The following PPM1L variants were observed in gnomAD, a reference collection of about 807,000 sequenced individuals.
PPM1L encodes protein phosphatase, Mg2+/Mn2+ dependent 1L, also known as protein phosphatase 1L.
A neutral mutation model predicts 31.4 loss-of-function variants in PPM1L; 13 were observed. That is an observed-to-expected ratio of 0.41 (90% CI 0.27 to 0.66). The LOEUF is 0.66. PPM1L is among the 30% of genes least tolerant of loss of function. The probability of loss-of-function intolerance (pLI) is 0.29; values close to 1 mark genes in which losing one functional copy is unlikely to be tolerated. For synonymous variants in PPM1L, 184 were observed against 175.4 expected (o/e 1.05, Z -0.39); for missense variants, 326 against 453.7 (o/e 0.72, Z 2.56).
intron 2 of PPM1L, among the ~76,000 whole-genome samples, chr3:161,002,439 T>C (rs1165844261): frequency 3.0e-4 from 46 of 152,182 alleles, no homozygotes; most frequent in Admixed American, 3.0e-3. Flanking sequence ...GTTGAACTAG[T>C]TTACAGTCCC....
intron 1 of PPM1L, among the ~76,000 whole-genome samples, chr3:160,951,032 ATT>A (rs1715561600): frequency 6.6e-6 from 1 of 152,158 alleles, no homozygotes; most frequent in South Asian, 2.1e-4. Context: ...ATTACTTTTC[ATT>A]TTTCTTCTAT....
At chr3:161,014,863 G>A (rs558072068) in intron 2 of PPM1L, among the ~76,000 whole-genome samples, 5 of 152,148 alleles carry the variant, frequency 3.3e-5, no homozygotes, top group Non-Finnish European at 7.4e-5. Context: ...ATTTGGGGAT[G>A]GGGGGAGTCA....
At chr3:160,904,202 T>A (rs888726468) in intron 1 of PPM1L, among the ~76,000 whole-genome samples, 1 of 152,178 alleles carries the variant, frequency 6.6e-6, no homozygotes, top group Non-Finnish European at 1.5e-5. Flanking sequence ...AGGCTAAAGC[T>A]CCACTCCCCT....
At chr3:160,923,049 A>G (rs1293702747) in intron 1 of PPM1L, among the ~76,000 whole-genome samples, 1 of 152,216 alleles carries the variant, frequency 6.6e-6, no homozygotes, top group East Asian at 1.9e-4. Context: ...TGTAGAATTA[A>G]CATGGAGATT....
chr3:160,947,492 C>T (rs897977347), intron 1 of PPM1L, among the ~76,000 whole-genome samples: 3 of 152,110 alleles, frequency 2.0e-5, no homozygotes, highest in African/African-American at 7.2e-5. Context: ...GGCTTTACAT[C>T]ACTCTCTCAG....
At chr3:160,901,895 T>G (rs6441339) in intron 1 of PPM1L, among the ~76,000 whole-genome samples, 63,573 of 151,934 alleles carry the variant, frequency 0.42, 14,836 homozygotes, top group Non-Finnish European at 0.54. Flanking sequence ...CTTTGCATTA[T>G]TTGTTTTTGC....
chr3:160,811,993 A>G (rs1022800792), intron 1 of PPM1L, among the ~76,000 whole-genome samples: 17 of 152,158 alleles, frequency 1.1e-4, no homozygotes, highest in African/African-American at 3.6e-4. Context: ...TATTACTTCA[A>G]TCCCAAAGCA....
At chr3:160,809,818 G>A (rs1346477541) in intron 1 of PPM1L, among the ~76,000 whole-genome samples, 1 of 152,076 alleles carries the variant, frequency 6.6e-6, no homozygotes, top group Non-Finnish European at 1.5e-5. Flanking sequence ...TTTTTGAGGG[G>A]CATGAAGCCT....
chr3:160,849,313 C>T (rs1225011156), intron 1 of PPM1L, among the ~76,000 whole-genome samples: 2 of 152,182 alleles, frequency 1.3e-5, no homozygotes, highest in Non-Finnish European at 2.9e-5. Context: ...GGAATGTTCT[C>T]CAGAACTTCT....
intron 1 of PPM1L, among the ~76,000 whole-genome samples, chr3:160,760,725 T>TC (rs1714949245): frequency 6.6e-6 from 1 of 151,942 alleles, no homozygotes; most frequent in South Asian, 2.1e-4. Context: ...TTTTTTTGTT[T>TC]TTTTTTTTTA....
At chr3:160,933,235 AT>A (rs904964812) in intron 1 of PPM1L, among the ~76,000 whole-genome samples, 24 of 152,220 alleles carry the variant, frequency 1.6e-4, no homozygotes, top group African/African-American at 5.8e-4. Flanking sequence ...ACAGAAAGCA[AT>A]TTGTTGTTTT....
chr3:160,801,879 TTATA>T (rs1712437710), intron 1 of PPM1L, among the ~76,000 whole-genome samples: 1 of 152,192 alleles, frequency 6.6e-6, no homozygotes, highest in African/African-American at 2.4e-5. Flanking sequence ...TAGTTTGAAC[TTATA>T]TAGTCATTTC....
chr3:161,062,212 G>GTT (rs1719594562), intron 2 of PPM1L, among the ~76,000 whole-genome samples: 1 of 151,928 alleles, frequency 6.6e-6, no homozygotes, highest in African/African-American at 2.4e-5. Flanking sequence ...GGAATGCCCA[G>GTT]TTTCTCCCAT....
At chr3:161,052,174 A>T (rs1321794095) in intron 2 of PPM1L, among the ~76,000 whole-genome samples, 1 of 152,222 alleles carries the variant, frequency 6.6e-6, no homozygotes, top group Non-Finnish European at 1.5e-5. Context: ...TTGCCTTTCC[A>T]TACTGGAGCA....
rs139262552 is a variant in PPM1L at position 160,854,519 on chromosome 3, A to G, written c.399+97812A>G. Among the ~76,000 whole-genome samples, 451 of 152,250 alleles carry G rather than the reference A, an allele frequency of 3.0e-3. 4 individuals are homozygous for G. Among genetic ancestry groups the G allele is most frequent in the Non-Finnish European group, 4.9e-3 (334 of 68,018 alleles). ...GAAGTTTGGATTTTCTCAATGTGCAAAAATCGGTAGCATTTCTATATACCA... is the reference window on the plus strand; with the variant it reads ...GAAGTTTGGATTTTCTCAATGTGCAGAAATCGGTAGCATTTCTATATACCA... On this transcript the variant is annotated intron_variant, in intron 1 of 3. Coordinates refer to ENST00000498165, the MANE Select transcript of PPM1L (RefSeq NM_139245.4).
At chr3:160,906,705 G>A (rs1177376914) in intron 1 of PPM1L, among the ~76,000 whole-genome samples, 1 of 152,180 alleles carries the variant, frequency 6.6e-6, no homozygotes, top group Non-Finnish European at 1.5e-5. Context: ...TGGTGGCTAT[G>A]GCTGAATGCT....
At chr3:160,955,823 T>TG (rs1481982016) in intron 1 of PPM1L, among the ~76,000 whole-genome samples, 2 of 151,786 alleles carry the variant, frequency 1.3e-5, no homozygotes, top group Admixed American at 1.3e-4. Context: ...GATAATTTTT[T>TG]TTTTGTATTT....
At chr3:160,832,052 G>A (rs569745959) in intron 1 of PPM1L, among the ~76,000 whole-genome samples, 1 of 152,258 alleles carries the variant, frequency 6.6e-6, no homozygotes, top group South Asian at 2.1e-4. Context: ...TTTACTTATT[G>A]AATACCATCT....
chr3:160,934,805 T>C (rs1714905775), intron 1 of PPM1L, among the ~76,000 whole-genome samples: 1 of 151,934 alleles, frequency 6.6e-6, no homozygotes, highest in Admixed American at 6.6e-5. Flanking sequence ...GTACAAAAAT[T>C]TGCTGGATAT....
Sources: allele counts gnomAD v4.1 joint callset (sites outside exome capture counted in the v4.1 genomes callset), GRCh38; gene constraint gnomAD v4.1.1; transcripts MANE v1.5; gene names NCBI Gene and HGNC (gene_info 2026-07-23, HGNC 2026-07-21).